Variants in FER observed in about 807,000 individuals in gnomAD.
The protein encoded by FER is tyrosine-protein kinase Fer.
In FER, 63 loss-of-function variants were observed where a neutral mutation model predicts 111.0. The observed-to-expected ratio is 0.57, with a 90% CI of 0.46 to 0.70. The LOEUF is 0.70. Ranked by LOEUF, FER falls within the 30% of genes least tolerant of loss-of-function variation. The probability of loss-of-function intolerance (pLI) is 0.00; values close to 1 mark genes in which losing one functional copy is unlikely to be tolerated. For synonymous variants in FER, 327 were observed against 313.9 expected (o/e 1.04, Z -0.44); for missense variants, 914 against 954.0 (o/e 0.96, Z 0.55).
rs137924067 is a variant in FER, at chr5:108,960,350, A to G, written c.1656+1003A>G. The stretch of plus-strand genomic sequence containing the variant: ...GAGGGTGACCTTTAATATTTCTCTC[A>G]CAGAAGATTTTAACAGTTGTTTGTT... On this transcript the variant is annotated intron_variant, in intron 13 of 19. Transcript: ENST00000281092. 7.8e-4 allele frequency among the ~76,000 whole-genome samples: 119 copies of G among 152,200 alleles called. 1 individual carries two copies. The highest frequency in any genetic ancestry group is 2.7e-3 in the African/African-American group (113 of 41,550).
At chr5:108,899,677 G>A (rs931576022) in intron 10 of FER, among the ~76,000 whole-genome samples, 1 of 151,786 alleles carries the variant, frequency 6.6e-6, no homozygotes, top group Non-Finnish European at 1.5e-5. Context: ...GGTGGTGTGT[G>A]CCTGTAATCC....
intron 10 of FER, among the ~76,000 whole-genome samples, chr5:108,909,075 G>T (rs10515394): frequency 0.063 from 9,539 of 152,182 alleles, 357 homozygotes; most frequent in South Asian, 0.12. Context: ...TCTATCTGGC[G>T]GCTTAATTGT....
intron 13 of FER, among the ~76,000 whole-genome samples, chr5:108,976,644 C>T (rs1442737884): frequency 6.6e-6 from 1 of 152,118 alleles, no homozygotes; most frequent in Non-Finnish European, 1.5e-5. Flanking sequence ...ATATTTAACA[C>T]ATATTTTGTA....
At chr5:109,100,610 C>A in intron 17 of FER, 91 bp downstream of exon 17, 1 of 1,253,522 alleles carries the variant, frequency 8.0e-7, no homozygotes, top group Non-Finnish European at 1.1e-6. Context: ...CATTTTCTTT[C>A]ATGAAACATG....
chr5:108,877,733 G>A (rs1277087415), intron 8 of FER, among the ~76,000 whole-genome samples: 76 of 152,126 alleles, frequency 5.0e-4, no homozygotes, highest in Non-Finnish European at 1.8e-4. Context: ...CAAATTTCAT[G>A]TAAGAAATGA....
Position 108,812,550 on chromosome 5 carries a change from C to T in FER, c.207+14161C>T, listed in dbSNP as rs75237190. Among the ~76,000 whole-genome samples, 939 of 152,162 alleles carry T rather than the reference C, an allele frequency of 6.2e-3. 15 individuals are homozygous for T. The highest frequency in any genetic ancestry group is 0.022 in the African/African-American group (905 of 41,510). Reference sequence around the variant, plus strand: ...TTTAGTTTGTGTGTTTAGACTATTTCATTTAGTGTGATTATTGATATGATT... The same window carrying T: ...TTTAGTTTGTGTGTTTAGACTATTTTATTTAGTGTGATTATTGATATGATT... On this transcript the variant is annotated intron_variant, in intron 3 of 19. Coordinates refer to ENST00000281092, the MANE Select transcript of FER (RefSeq NM_005246.4).
chr5:108,912,648 A>T (rs1329016161), intron 10 of FER, among the ~76,000 whole-genome samples: 2 of 152,186 alleles, frequency 1.3e-5, no homozygotes, highest in African/African-American at 4.8e-5. Context: ...TACAGGTGTG[A>T]GCCACTGTGC....
At chr5:108,879,901 G>C (rs1209481148) in intron 8 of FER, among the ~76,000 whole-genome samples, 1 of 151,358 alleles carries the variant, frequency 6.6e-6, no homozygotes, top group Non-Finnish European at 1.5e-5. Context: ...GTAGAGACGA[G>C]GTTTCACCAT....
intron 2 of FER, among the ~76,000 whole-genome samples, chr5:108,792,064 A>G (rs1408417977): frequency 1.3e-5 from 2 of 152,240 alleles, no homozygotes; most frequent in South Asian, 4.1e-4. Context: ...TGCCATTACC[A>G]TAGTGTGTTG....
intron 3 of FER, among the ~76,000 whole-genome samples, chr5:108,814,110 T>G (rs182004952): frequency 7.2e-5 from 11 of 152,332 alleles, no homozygotes; most frequent in Admixed American, 7.2e-4. Flanking sequence ...CAATTACTTT[T>G]TCATTCTGAT....
intron 13 of FER, among the ~76,000 whole-genome samples, chr5:108,961,851 T>A (rs1442854945): frequency 6.6e-6 from 1 of 152,218 alleles, no homozygotes; most frequent in Non-Finnish European, 1.5e-5. Context: ...AATCTATTTC[T>A]TGATTTAATT....
At chr5:108,748,862 C>T (rs1376435767) in intron 1 of FER, 4 of 152,778 alleles carry the variant, frequency 2.6e-5, no homozygotes, top group African/African-American at 9.7e-5. Context: ...TCGAGGGTGC[C>T]CGGAGACCGG....
chr5:109,146,857 T>C (rs1188665161), intron 17 of FER, among the ~76,000 whole-genome samples: 1 of 152,058 alleles, frequency 6.6e-6, no homozygotes, highest in Non-Finnish European at 1.5e-5. Flanking sequence ...CCTGATGGAC[T>C]GGGAGAAAAT....
chr5:108,878,183 A>G (rs983838976), intron 8 of FER, among the ~76,000 whole-genome samples: 3 of 152,166 alleles, frequency 2.0e-5, no homozygotes, highest in African/African-American at 7.2e-5. Context: ...CTGCGATTAC[A>G]TTCGGGAGCC....
chr5:108,752,543 TCA>T (rs1186788902), intron 1 of FER, among the ~76,000 whole-genome samples: 1 of 151,702 alleles, frequency 6.6e-6, no homozygotes, highest in Non-Finnish European at 1.5e-5. Context: ...CAGATTAGAG[TCA>T]GAACAGAGGA....
chr5:108,938,020 TCTCTCTCACACACACACACACACA>T (rs1484968760), intron 10 of FER, among the ~76,000 whole-genome samples: 1 of 77,716 alleles, frequency 1.3e-5, no homozygotes, highest in African/African-American at 5.2e-5. Flanking sequence ...TTTCCCTATC[TCTCTCTCACACACACACACACACA>T]CACACACACA....
chr5:108,790,269 A>ACACT (rs1755216793), intron 2 of FER, among the ~76,000 whole-genome samples: 1 of 151,154 alleles, frequency 6.6e-6, no homozygotes, highest in African/African-American at 2.4e-5. Flanking sequence ...ACACACACAC[A>ACACT]CACACTCTTA....
intron 13 of FER, among the ~76,000 whole-genome samples, chr5:108,999,774 G>T (rs1345232005): frequency 2.1e-5 from 3 of 146,090 alleles, no homozygotes; most frequent in African/African-American, 7.6e-5. Context: ...TATATTTTTT[G>T]ATTACTAGAT....
At chr5:109,010,302 C>G (rs1009472066) in intron 13 of FER, among the ~76,000 whole-genome samples, 6 of 152,052 alleles carry the variant, frequency 3.9e-5, no homozygotes, top group Non-Finnish European at 7.4e-5. Context: ...AGACTACAGG[C>G]GCCCGCCACC....
Sources: allele counts gnomAD v4.1 joint callset (sites outside exome capture counted in the v4.1 genomes callset), GRCh38; gene constraint gnomAD v4.1.1; transcripts MANE v1.5; gene names NCBI Gene and HGNC (gene_info 2026-07-23, HGNC 2026-07-21).